Variants in CLPX observed in about 807,000 individuals in gnomAD.
CLPX encodes the protein caseinolytic mitochondrial matrix peptidase chaperone subunit X.
In CLPX, 34 loss-of-function variants were observed where a neutral mutation model predicts 76.4. The ratio of observed to expected loss-of-function variants is 0.45; its 90% confidence interval spans 0.34 to 0.59. The LOEUF (loss-of-function observed/expected upper bound fraction) is 0.59, where lower values mean the gene tolerates loss of function less well. CLPX is among the 20% of genes least tolerant of loss of function. The pLI, the probability that CLPX is intolerant of heterozygous loss-of-function variation, is 0.01. For missense variants in CLPX, 613 were observed against 757.0 expected, an observed-to-expected ratio of 0.81 and a Z score of 2.23; for synonymous variants, 248 against 270.9, an observed-to-expected ratio of 0.92 and a Z score of 0.83.
At chr15:65,160,103 G>A (rs753771992) in intron 6 of CLPX, among the ~76,000 whole-genome samples, 1 of 152,120 alleles carries the variant, frequency 6.6e-6, no homozygotes, top group Non-Finnish European at 1.5e-5. Context: ...ATGAGACACC[G>A]CGCCTGGCCT....
chr15:65,158,674 TTTG>T lies in CLPX; in HGVS notation c.790_792del (p.Gln264del). ...TCACCTCCTCGTTTTTCCTGAGGTATTTGTTGATTTACCTGTTGCTGCATTGAT... is the reference window on the plus strand; with the variant it reads ...TCACCTCCTCGTTTTTCCTGAGGTATTTGATTTACCTGTTGCTGCATTGAT... On this transcript the variant is annotated inframe_deletion, in exon 7 of 14. Coordinates refer to ENST00000300107, the MANE Select transcript of CLPX (RefSeq NM_006660.5). 1 of 1,613,876 alleles carries T rather than the reference TTTG, an allele frequency of 6.2e-7. No homozygotes were observed. Among genetic ancestry groups the T allele is most frequent in the Admixed American group, 1.7e-5 (1 of 60,008 alleles).
chr15:65,184,970 C>A, intron 1 of CLPX, 105 bp downstream of exon 1: 4 of 943,614 alleles, frequency 4.2e-6, no homozygotes, highest in Non-Finnish European at 6.7e-6. Flanking sequence ...CCCTCACACT[C>A]CCCGGGTGCA....
At chr15:65,156,961 A>C in intron 8 of CLPX, 29 bp from the exon 9 acceptor site, 1 of 1,480,214 alleles carries the variant, frequency 6.8e-7, no homozygotes, top group Non-Finnish European at 9.4e-7. Context: ...TCTATTTATA[A>C]TACGAAAAAG....
Position 65,153,550 on chromosome 15 carries a change from T to C in CLPX, c.1701A>G (p.Ile567Met), listed in dbSNP as rs755669762. Residue 567 changes from isoleucine to methionine, a missense_variant, in exon 12 of 14, where the codon ATA becomes ATG. Ile to Met is a conservative substitution (Grantham distance 10). Around this residue, in one of 2 missense-constraint regions of CLPX, gnomAD observed 450 missense variants for 638.6 expected, o/e 0.70. Transcript: ENST00000300107. ...RKTGARGLRS[I>M]MEKLLLEPMF... ...TTATAGAATAATGCCAACTCACCATTATGGACCGAAGGCCTCGTGCACCTG... is the reference window on the plus strand; with the variant it reads ...TTATAGAATAATGCCAACTCACCATCATGGACCGAAGGCCTCGTGCACCTG... 4.4e-6 allele frequency: 7 copies of C among 1,579,692 alleles called. No individual in the cohort carries two copies. Among genetic ancestry groups the C allele is most frequent in the Middle Eastern group, 1.7e-4 (1 of 5,986 alleles).
At chr15:65,180,649 C>G (rs1272728178) in intron 1 of CLPX, among the ~76,000 whole-genome samples, 1 of 152,080 alleles carries the variant, frequency 6.6e-6, no homozygotes, top group Non-Finnish European at 1.5e-5. Flanking sequence ...CCCCTGTAAT[C>G]CTAGCATTTT....
intron 1 of CLPX, chr15:65,184,359 A>C (rs1872543134): frequency 6.6e-6 from 1 of 152,272 alleles, no homozygotes; most frequent in Non-Finnish European, 1.5e-5. Context: ...CACTCTTAGG[A>C]AACTACCTCC....
chr15:65,169,943 T>G (rs1002771327), intron 3 of CLPX, among the ~76,000 whole-genome samples: 11 of 151,918 alleles, frequency 7.2e-5, no homozygotes, highest in Admixed American at 2.6e-4. Context: ...TATTTTTTAG[T>G]AGAGATGGGG....
intron 11 of CLPX, 141 bp from the exon 12 acceptor site, chr15:65,153,780 C>T: frequency 1.9e-6 from 1 of 529,924 alleles, no homozygotes; most frequent in Non-Finnish European, 3.3e-6. Flanking sequence ...CAATCCATGA[C>T]AGTATCAGTA....
At chr15:65,179,133 G>T in intron 2 of CLPX, 82 bp from the exon 3 acceptor site, 2 of 686,836 alleles carry the variant, frequency 2.9e-6, no homozygotes, top group Non-Finnish European at 5.1e-6. Context: ...AATACTGTTT[G>T]TAATTAATTT....
chr15:65,161,032 A>G (rs2087850515), intron 6 of CLPX, among the ~76,000 whole-genome samples: 1 of 152,208 alleles, frequency 6.6e-6, no homozygotes, highest in African/African-American at 2.4e-5. Flanking sequence ...GATAAAAATA[A>G]TAGTTTCTGT....
At chr15:65,152,652 AATAT>A (rs776162403) in intron 12 of CLPX, 116 bp from the exon 13 acceptor site, 3 of 233,994 alleles carry the variant, frequency 1.3e-5, no homozygotes, top group Non-Finnish European at 2.3e-5. Context: ...AAACAAAACA[AATAT>A]ATATATATAT....
At chr15:65,162,740 G>T in intron 5 of CLPX, 95 bp from the exon 6 acceptor site, 6 of 672,840 alleles carry the variant, frequency 8.9e-6, no homozygotes, top group Admixed American at 6.1e-5. Flanking sequence ...TATATTTAAA[G>T]GATTTGTTCA....
In CLPX at chr15:65,154,805, G is replaced by C; in HGVS notation, c.1588C>G (p.Gln530Glu). The stretch of plus-strand genomic sequence containing the variant: ...ACCTTATCCATGCTGAATAAGGCCT[G>C]GTACTGAGGAATAACAGCATTTCGT... Reference protein sequence around the residue: ...EPRNAVIPQYQALFSMDKCEL... With the variant: ...EPRNAVIPQYEALFSMDKCEL... Residue 530 changes from glutamine to glutamate, a missense_variant, in exon 11 of 14, where the codon CAG (glutamine) becomes GAG (glutamate). Around this residue, in one of 2 missense-constraint regions of CLPX, gnomAD observed 450 missense variants for 638.6 expected, o/e 0.70. Transcript: ENST00000300107. 6.2e-7 allele frequency: 1 copy of C among 1,613,608 alleles called. No individual in the cohort carries two copies. The highest frequency in any genetic ancestry group is 8.5e-7 in the Non-Finnish European group (1 of 1,179,510).
At chr15:65,171,126 T>A (rs1021798770) in intron 3 of CLPX, among the ~76,000 whole-genome samples, 1 of 151,946 alleles carries the variant, frequency 6.6e-6, no homozygotes, top group African/African-American at 2.4e-5. Flanking sequence ...CAGCCATGTT[T>A]CTGTTCTTAA....
In CLPX at chr15:65,185,180, G is replaced by A. The variant is rs1001175791; in HGVS notation, c.-27C>T. ...TCCGCGAGGCCTAGGCCGGGGCTTC[G>A]CCCCCTGAGGACCTCCGGGTCACAG... is the stretch of plus-strand genomic sequence containing the variant. On this transcript the variant is annotated 5_prime_UTR_variant, in exon 1 of 14. Coordinates refer to ENST00000300107, the MANE Select transcript of CLPX (RefSeq NM_006660.5). 36 of 1,541,084 alleles carry A rather than the reference G, an allele frequency of 2.3e-5. No homozygotes were observed. The highest frequency in any genetic ancestry group is 5.5e-5 in the African/African-American group (4 of 73,140).
chr15:65,153,959 A>G (rs2140611525), intron 11 of CLPX, among the ~76,000 whole-genome samples: 1 of 152,368 alleles, frequency 6.6e-6, no homozygotes, highest in Admixed American at 6.5e-5. Context: ...GTGTGATGAC[A>G]GATGACAGAT....
intron 3 of CLPX, among the ~76,000 whole-genome samples, chr15:65,171,635 A>G (rs1275851872): frequency 6.6e-6 from 1 of 152,210 alleles, no homozygotes; most frequent in Non-Finnish European, 1.5e-5. Flanking sequence ...AAAGATAGTT[A>G]CTGCCTTTAT....
intron 3 of CLPX, among the ~76,000 whole-genome samples, chr15:65,169,379 G>C (rs2087966460): frequency 1.3e-5 from 2 of 152,184 alleles, no homozygotes; most frequent in South Asian, 4.1e-4. Flanking sequence ...TGGGATTACA[G>C]GCGTGACCCA....
In CLPX at chr15:65,154,937, C is replaced by G. The variant is rs867709126; in HGVS notation, c.1456G>C (p.Asp486His). 2 of 1,614,160 alleles carry G rather than the reference C, an allele frequency of 1.2e-6. No individual in the cohort carries two copies. The highest frequency in any genetic ancestry group is 3.3e-4 in the Middle Eastern group (2 of 6,062). Residue 486 changes from aspartate to histidine, a missense_variant, in exon 11 of 14, where the codon GAT (aspartate) becomes CAT (histidine). By Grantham distance (81) the Asp-to-His change is moderately conservative (BLOSUM62 -1). This residue lies in a region of CLPX where 450 missense variants were observed against 638.6 expected (regional missense o/e 0.70). Coordinates refer to ENST00000300107, the MANE Select transcript of CLPX (RefSeq NM_006660.5). ...DRLLRHVEAR[D>H]LIEFGMIPEF... ...GGAATCATGCCAAACTCAATCAGAT[C>G]TCTGGCTTCCACATGACGCAATAAC...
Sources: gnomAD v4.1 joint callset for allele counts (sites outside exome capture counted in the v4.1 genomes callset) on GRCh38, gnomAD v4.1.1 for gene constraint, gnomAD v4.1.1 regional missense constraint, MANE v1.5 for transcripts, NCBI Gene and HGNC (gene_info 2026-07-23, HGNC 2026-07-21) for gene names.